The following BEND7 variants were observed in gnomAD, a reference collection of about 807,000 sequenced individuals.
The protein encoded by BEND7 is BEN domain-containing protein 7.
In BEND7, 28 loss-of-function variants were observed where a neutral mutation model predicts 50.9. The ratio of observed to expected loss-of-function variants is 0.55; its 90% CI spans 0.41 to 0.75. The LOEUF is 0.75. Among genes scored for constraint, BEND7 ranks in the 30% least tolerant of loss-of-function variants. The probability of loss-of-function intolerance (pLI) is 0.00; values close to 1 mark genes in which losing one functional copy is unlikely to be tolerated. For missense variants in BEND7, 477 were observed against 491.3 expected (o/e 0.97, Z 0.28); for synonymous variants, 170 against 183.9 (o/e 0.92, Z 0.61).
rs185646165 is a variant in BEND7 at position 13,488,694 on chromosome 10, G to A, written c.837+3917C>T. ...AGTAGAGACGGGGTTTCACCATGTT[G>A]GCCAGGACTGTCTCAATCTCCTGAC... On this transcript the variant is annotated intron_variant, in intron 5 of 8. Coordinates refer to ENST00000466271, the MANE Select transcript of BEND7 (RefSeq NM_001369863.1). Among the ~76,000 whole-genome samples the A allele has an allele frequency of 6.6e-3, 1,005 of 152,162 alleles. 4 individuals are homozygous for A. The highest frequency in any genetic ancestry group is 0.01 in the African/African-American group (416 of 41,516).
At chr10:13,511,461 A>C (rs906213027) in intron 2 of BEND7, 1 of 152,270 alleles carries the variant, frequency 6.6e-6, no homozygotes, top group Non-Finnish European at 1.5e-5. Context: ...AGCTGGGTAT[A>C]AGGCAACTGG....
At chr10:13,439,265 T>C (rs1835057614), downstream of BEND7, 4 of 1,614,074 alleles carry the variant, frequency 2.5e-6, no homozygotes, top group Non-Finnish European at 2.5e-6. Context: ...GAAGTGTAGC[T>C]GAGACCTGAG....
chr10:13,525,927 A>C (rs4750375), intron 2 of BEND7, among the ~76,000 whole-genome samples: 76,877 of 152,094 alleles, frequency 0.51, 20,958 homozygotes, highest in East Asian at 0.87. Flanking sequence ...CACTGTGTGT[A>C]GACACTAATA....
downstream of BEND7, among the ~76,000 whole-genome samples, chr10:13,440,320 C>A (rs149683824): frequency 6.0e-4 from 92 of 152,354 alleles, no homozygotes; most frequent in East Asian, 0.018. Flanking sequence ...GGCATCAGGG[C>A]AGAGGCGAGG....
intron 6 of BEND7, among the ~76,000 whole-genome samples, chr10:13,473,192 T>C (rs2075062282): frequency 6.6e-6 from 1 of 152,172 alleles, no homozygotes; most frequent in African/African-American, 2.4e-5. Flanking sequence ...TCATCGCTGT[T>C]AGACTCGGGG....
chr10:13,448,476 G>C (rs1836927970), intron 7 of BEND7, among the ~76,000 whole-genome samples: 2 of 152,202 alleles, frequency 1.3e-5, no homozygotes, highest in African/African-American at 4.8e-5. Flanking sequence ...GCCTAAACTA[G>C]TGCTACGTAC....
intron 2 of BEND7, among the ~76,000 whole-genome samples, chr10:13,524,359 C>A (rs146974451): frequency 1.3e-5 from 2 of 152,078 alleles, no homozygotes; most frequent in Non-Finnish European, 2.9e-5. Context: ...TTCCAGCTGA[C>A]CAACCAGGCA....
chr10:13,519,886 C>A (rs1416649991), intron 2 of BEND7, among the ~76,000 whole-genome samples: 1 of 152,178 alleles, frequency 6.6e-6, no homozygotes, highest in Admixed American at 6.5e-5. Context: ...GGAGAAGGAG[C>A]CGCAGTGAAA....
rs1289401606 is a variant in BEND7, at chr10:13,526,126, A to AT, written c.145+11dup. 1.6e-6 allele frequency: 2 copies of AT among 1,271,720 alleles called. No homozygotes were observed. Among genetic ancestry groups the AT allele is most frequent in the Admixed American group, 4.7e-5 (2 of 42,618 alleles). The allele number at this position is 1,271,720 out of a possible 1,614,324, so 78.8% of individuals were successfully genotyped here. A position where few individuals can be genotyped will look rare whatever the true frequency, so the allele number is the denominator to read the frequency against. On this transcript the variant is annotated intron_variant, in intron 2 of 8. Coordinates refer to ENST00000466271, the MANE Select transcript of BEND7 (RefSeq NM_001369863.1). ...ATGTTTTGCTGAGGTATTAATTGAC[A>AT]TAGGAACCTACCTAAAAAAATGGGC...
chr10:13,452,777 G>A (rs189321880), intron 6 of BEND7, 119 bp from the exon 7 acceptor site: 165 of 896,530 alleles, frequency 1.8e-4, no homozygotes, highest in Non-Finnish European at 2.5e-4. Context: ...AGTTCTGCAC[G>A]ATATGTCTTC....
chr10:13,484,597 T>G (rs1418272681), intron 5 of BEND7, among the ~76,000 whole-genome samples: 1 of 152,248 alleles, frequency 6.6e-6, no homozygotes, highest in Non-Finnish European at 1.5e-5. Flanking sequence ...TAGACTTCTC[T>G]TGACAGATTC....
Position 13,492,680 on chromosome 10 carries a change from G to C in BEND7, c.768C>G (p.Ala256=), listed in dbSNP as rs200062255. The C allele has an allele frequency of 3.7e-6, 6 of 1,614,052 alleles. No individual in the cohort carries two copies. In the Admixed American group the frequency reaches 8.3e-5, roughly 22 times the overall value. ...GGCTCTCCTCCGGGGAGGTGTGCTC[G>C]GCTGCCTGGAGAGCAGATAGCTCAG... ...VASELSALQA[A]EHTSPEESRV... is the part of the protein sequence containing the mutation. Residue 256 remains alanine, a synonymous_variant, in exon 5 of 9, where the codon GCC becomes GCG. Transcript: ENST00000466271.
At chr10:13,504,478 CA>C (rs1196120459) in intron 2 of BEND7, among the ~76,000 whole-genome samples, 1 of 151,994 alleles carries the variant, frequency 6.6e-6, no homozygotes, top group East Asian at 1.9e-4. Context: ...CTTCTTCTAT[CA>C]TAGTGGAATC....
intron 6 of BEND7, among the ~76,000 whole-genome samples, chr10:13,455,192 A>G (rs1373317826): frequency 6.7e-6 from 1 of 149,250 alleles, no homozygotes; most frequent in African/African-American, 2.4e-5. Context: ...ACAACAAAAC[A>G]AAACAAAACA....
At position 13,471,972 on chromosome 10, in the gene BEND7, T is replaced by A. The variant is rs2074884858; in HGVS notation, c.1063+8927A>T. Among the ~76,000 whole-genome samples, 2 of 150,902 alleles carry A rather than the reference T, an allele frequency of 1.3e-5. 1 individual carries two copies. Among genetic ancestry groups the A allele is most frequent in the Admixed American group, 1.3e-4 (2 of 15,186 alleles). ...TCATCACTGTTAGACTCGGGGTCAA[T>A]ACCCTTCATCACTGTTAGACTCGGG... is the stretch of plus-strand genomic sequence containing the variant. On this transcript the variant is annotated intron_variant, in intron 6 of 8. Coordinates refer to ENST00000466271, the MANE Select transcript of BEND7 (RefSeq NM_001369863.1).
chr10:13,510,006 C>G (rs1322825104), intron 2 of BEND7, among the ~76,000 whole-genome samples: 1 of 152,116 alleles, frequency 6.6e-6, no homozygotes, highest in East Asian at 1.9e-4. Context: ...GTCCAGTGTT[C>G]CCTGATGAGT....
In BEND7 at chr10:13,470,769, C is replaced by G. The variant is rs60936959; in HGVS notation, c.1063+10130G>C. Among the ~76,000 whole-genome samples, 1,122 of 152,238 alleles carry G rather than the reference C, an allele frequency of 7.4e-3. 11 individuals carry two copies. Among genetic ancestry groups the G allele is most frequent in the African/African-American group, 0.025 (1,046 of 41,514 alleles). On this transcript the variant is annotated intron_variant, in intron 6 of 8. Coordinates refer to ENST00000466271, the MANE Select transcript of BEND7 (RefSeq NM_001369863.1). ...ATGGGGCCGAGGTAGCTTTCAGAAG[C>G]AACTTTAAGCAGCACAGTTCTGGCT...
At chr10:13,507,585 C>T (rs1202829886) in intron 2 of BEND7, among the ~76,000 whole-genome samples, 1 of 152,166 alleles carries the variant, frequency 6.6e-6, no homozygotes, top group African/African-American at 2.4e-5. Flanking sequence ...TTAATTATCT[C>T]TAAATATACT....
intron 2 of BEND7, among the ~76,000 whole-genome samples, chr10:13,518,379 C>A (rs901610302): frequency 9.9e-5 from 15 of 152,256 alleles, no homozygotes; most frequent in African/African-American, 3.6e-4. Flanking sequence ...GGGCCCAACT[C>A]CCTCAGAAAC....
Sources: allele counts gnomAD v4.1 joint callset (sites outside exome capture counted in the v4.1 genomes callset), GRCh38; gene constraint gnomAD v4.1.1; transcripts MANE v1.5; gene names NCBI Gene and HGNC (gene_info 2026-07-23, HGNC 2026-07-21).